Variants in AGBL4 observed in about 807,000 individuals in gnomAD.
AGBL4 encodes the protein AGBL carboxypeptidase 4.
A neutral mutation model predicts 66.4 loss-of-function variants in AGBL4; 58 were observed. The ratio of observed to expected loss-of-function variants is 0.87; its 90% CI spans 0.71 to 1.09. The LOEUF (loss-of-function observed/expected upper bound fraction) is 1.09. AGBL4 is among the 50% of genes least tolerant of loss of function. The pLI, the probability that AGBL4 is intolerant of heterozygous loss-of-function variation, is 0.00. For synonymous variants in AGBL4, 234 were observed against 222.9 expected, an observed-to-expected ratio of 1.05 and a Z score of -0.44; for missense variants, 579 against 631.0, an observed-to-expected ratio of 0.92 and a Z score of 0.88.
At chr1:49,962,114 T>C (rs1327607508) in intron 1 of AGBL4, among the ~76,000 whole-genome samples, 1 of 152,144 alleles carries the variant, frequency 6.6e-6, no homozygotes. Context: ...TTAACCTGCA[T>C]TAATTATCTT....
chr1:48,693,461 G>A (rs1646666219), intron 6 of AGBL4, among the ~76,000 whole-genome samples: 2 of 152,246 alleles, frequency 1.3e-5, no homozygotes, highest in Non-Finnish European at 2.9e-5. Context: ...TTGGCCAGGT[G>A]GTCTCCGCGC....
At chr1:49,174,588 A>G (rs1646797230) in intron 4 of AGBL4, among the ~76,000 whole-genome samples, 1 of 152,144 alleles carries the variant, frequency 6.6e-6, no homozygotes, top group African/African-American at 2.4e-5. Flanking sequence ...GGAACAGCCA[A>G]CAGAGAATGT....
At chr1:49,814,471 A>T (rs941652721) in intron 2 of AGBL4, among the ~76,000 whole-genome samples, 4 of 152,106 alleles carry the variant, frequency 2.6e-5, no homozygotes, top group South Asian at 2.1e-4. Flanking sequence ...CTGAGTTGCC[A>T]TTGCCTAGGA....
In AGBL4 at chr1:49,884,907, A is replaced by G. The variant is rs565715618; in HGVS notation, c.35-33389T>C. On this transcript the variant is annotated intron_variant, in intron 1 of 13. Coordinates refer to ENST00000371839, the MANE Select transcript of AGBL4 (RefSeq NM_032785.4). ...GGTGAAATAATATAATTATAATCTCATTTCACTCTTATAAATAGGCCTGCT... is the reference window on the plus strand; with the variant it reads ...GGTGAAATAATATAATTATAATCTCGTTTCACTCTTATAAATAGGCCTGCT... Among the ~76,000 whole-genome samples, 4 of 151,990 alleles carry G rather than the reference A, an allele frequency of 2.6e-5. No homozygotes were observed. The South Asian group carries it at 8.3e-4, about 31-fold the overall frequency.
intron 2 of AGBL4, among the ~76,000 whole-genome samples, chr1:49,834,573 C>CTGAA (rs1645794403): frequency 6.6e-6 from 1 of 152,084 alleles, no homozygotes; most frequent in African/African-American, 2.4e-5. Flanking sequence ...TCTTGATCTC[C>CTGAA]TTCAGTTCTG....
intron 6 of AGBL4, among the ~76,000 whole-genome samples, chr1:48,816,455 T>C (rs1049731003): frequency 6.6e-6 from 1 of 152,160 alleles, no homozygotes; most frequent in Non-Finnish European, 1.5e-5. Flanking sequence ...CTTGTAGGAA[T>C]AAGATAAGGA....
intron 3 of AGBL4, among the ~76,000 whole-genome samples, chr1:49,492,442 C>G (rs1647209912): frequency 6.6e-6 from 1 of 151,984 alleles, no homozygotes; most frequent in Non-Finnish European, 1.5e-5. Flanking sequence ...CCCCACTTGA[C>G]TGTGGGTAAC....
At chr1:49,206,502 C>A (rs355206) in intron 4 of AGBL4, among the ~76,000 whole-genome samples, 47,630 of 151,816 alleles carry the variant, frequency 0.31, 8,206 homozygotes, top group East Asian at 0.72. Flanking sequence ...TCAGTTAAGG[C>A]AAACCTGCTT....
At chr1:49,637,066 C>T (rs1008816294) in intron 3 of AGBL4, among the ~76,000 whole-genome samples, 2 of 152,072 alleles carry the variant, frequency 1.3e-5, no homozygotes, top group Non-Finnish European at 2.9e-5. Flanking sequence ...CATCTTTCTC[C>T]CATGCTGGAT....
At chr1:48,558,759 C>T (rs535054992) in intron 11 of AGBL4, among the ~76,000 whole-genome samples, 1 of 152,250 alleles carries the variant, frequency 6.6e-6, no homozygotes, top group African/African-American at 2.4e-5. Flanking sequence ...GTCCTTAGAT[C>T]CAGTAATGCC....
intron 3 of AGBL4, among the ~76,000 whole-genome samples, chr1:49,674,027 CA>C (rs1178168811): frequency 6.6e-6 from 1 of 151,990 alleles, no homozygotes; most frequent in Non-Finnish European, 1.5e-5. Flanking sequence ...AGAAAAGGTA[CA>C]ATCCCATGCA....
At chr1:48,524,233 G>T in the AGBL4 span, among the ~76,000 whole-genome samples, 2 of 152,192 alleles carry the variant, frequency 1.3e-5, no homozygotes, top group East Asian at 3.9e-4. Flanking sequence ...GGTATTAGGG[G>T]TATTAAGGAG....
intron 6 of AGBL4, among the ~76,000 whole-genome samples, chr1:48,725,706 ATTAT>A (rs1184498668): frequency 6.6e-6 from 1 of 152,196 alleles, no homozygotes; most frequent in Non-Finnish European, 1.5e-5. Flanking sequence ...TGAGCAAGAA[ATTAT>A]TTAACCTTTT....
At position 49,663,603 on chromosome 1, in the gene AGBL4, C is replaced by T. The variant is rs117044470; in HGVS notation, c.282+33710G>A. Among the ~76,000 whole-genome samples the T allele has an allele frequency of 2.6e-4, 40 of 152,154 alleles. 1 individual carries two copies. In the East Asian group the frequency reaches 5.6e-3, roughly 21 times the overall value. ...TCTATTGTGCTCAGCCACTGAAATA[C>T]TGAGTCACTTTGTAACAACAATTAG... is the stretch of plus-strand genomic sequence containing the variant. On this transcript the variant is annotated intron_variant, in intron 3 of 13. Coordinates refer to ENST00000371839, the MANE Select transcript of AGBL4 (RefSeq NM_032785.4).
intron 3 of AGBL4, among the ~76,000 whole-genome samples, chr1:49,415,904 T>C (rs913571075): frequency 1.3e-5 from 2 of 152,062 alleles, no homozygotes; most frequent in African/African-American, 4.8e-5. Flanking sequence ...CTTCCCACCA[T>C]ACCCCAACAC....
chr1:49,363,434 A>T (rs1036858716), intron 3 of AGBL4, among the ~76,000 whole-genome samples: 8 of 152,220 alleles, frequency 5.3e-5, no homozygotes, highest in African/African-American at 1.9e-4. Context: ...TGTAACAAGC[A>T]TTAATGATAC....
intron 3 of AGBL4, among the ~76,000 whole-genome samples, chr1:49,385,571 T>C (rs557363570): frequency 6.6e-6 from 1 of 152,206 alleles, no homozygotes; most frequent in East Asian, 1.9e-4. Context: ...TTTTAATTAT[T>C]GGTTACAATA....
intron 2 of AGBL4, among the ~76,000 whole-genome samples, chr1:49,829,496 A>G (rs1285122370): frequency 6.6e-6 from 1 of 152,214 alleles, no homozygotes; most frequent in African/African-American, 2.4e-5. Context: ...AACCCTTCAA[A>G]GAACAATCTT....
At chr1:49,537,438 C>T (rs1651681272) in intron 3 of AGBL4, among the ~76,000 whole-genome samples, 1 of 152,110 alleles carries the variant, frequency 6.6e-6, no homozygotes, top group Non-Finnish European at 1.5e-5. Context: ...TCAAACAACT[C>T]AATAACAACA....
Sources: allele counts gnomAD v4.1 joint callset (sites outside exome capture counted in the v4.1 genomes callset), GRCh38; gene constraint gnomAD v4.1.1; transcripts MANE v1.5; gene names NCBI Gene and HGNC (gene_info 2026-07-23, HGNC 2026-07-21).